Variants in STK32B observed in about 807,000 individuals in gnomAD.
The protein encoded by STK32B is serine/threonine-protein kinase 32B.
STK32B carries 43 observed loss-of-function variants against 52.6 expected under a neutral mutation model. The ratio of observed to expected loss-of-function variants is 0.82; its 90% CI spans 0.64 to 1.05. The LOEUF is 1.05. STK32B is among the 50% of genes least tolerant of loss of function. The pLI, the probability that STK32B is intolerant of heterozygous loss-of-function variation, is 0.00. For missense variants in STK32B, 621 were observed against 534.6 expected (o/e 1.16, Z -1.59); for synonymous variants, 238 against 204.3 (o/e 1.17, Z -1.41).
At chr4:5,268,719 C>T (rs1482659339) in intron 3 of STK32B, among the ~76,000 whole-genome samples, 7 of 152,094 alleles carry the variant, frequency 4.6e-5, no homozygotes, top group Non-Finnish European at 1.0e-4. Flanking sequence ...CCTGCACATG[C>T]CACGGTTGTC....
At chr4:5,437,936 G>C in intron 6 of STK32B, 3 of 985,486 alleles carry the variant, frequency 3.0e-6, no homozygotes, top group Non-Finnish European at 3.6e-6. Context: ...TCAGCTCCAA[G>C]TGTGTGGGGG....
chr4:5,330,675 G>A (rs1165004619), intron 3 of STK32B, among the ~76,000 whole-genome samples: 1 of 152,196 alleles, frequency 6.6e-6, no homozygotes, highest in Admixed American at 6.5e-5. Context: ...GCCTCTCCAT[G>A]TGGCTTGCAT....
chr4:5,218,833 G>A (rs1337502227), intron 3 of STK32B, among the ~76,000 whole-genome samples: 1 of 152,210 alleles, frequency 6.6e-6, no homozygotes, highest in African/African-American at 2.4e-5. Context: ...TGCCAGGCAC[G>A]TGGCTTCTGG....
intron 11 of STK32B, among the ~76,000 whole-genome samples, chr4:5,497,929 C>T (rs1296346463): frequency 6.6e-6 from 1 of 152,084 alleles, no homozygotes; most frequent in African/African-American, 2.4e-5. Context: ...AGGCTAAAAC[C>T]TCTTTTTCAG....
At chr4:5,294,660 A>G (rs1230713458) in intron 3 of STK32B, among the ~76,000 whole-genome samples, 1 of 152,178 alleles carries the variant, frequency 6.6e-6, no homozygotes, top group East Asian at 1.9e-4. Flanking sequence ...TATCAGCTCA[A>G]GGAGTTTTTG....
At chr4:5,154,378 G>C (rs932943267) in intron 2 of STK32B, among the ~76,000 whole-genome samples, 1 of 152,060 alleles carries the variant, frequency 6.6e-6, no homozygotes. Flanking sequence ...ACCAGGCCCG[G>C]TTAATTTTGT....
rs1163496599 is a variant in STK32B, at chr4:5,496,692, T to TGGCCCCA, written c.1107-2247_1107-2241dup. ...CGGAGCTGTTCCTTTTCGGCCATCT[T>TGGCCCCA]GGCCCCAGGCCCATTTTCCTGGTCT... On this transcript the variant is annotated intron_variant, in intron 11 of 11. Transcript: ENST00000282908. Among the ~76,000 whole-genome samples, 42 of 152,290 alleles carry TGGCCCCA rather than the reference T, an allele frequency of 2.8e-4. 3 individuals are homozygous for TGGCCCCA. Among genetic ancestry groups the TGGCCCCA allele is most frequent in the East Asian group, 1.9e-3 (10 of 5,176 alleles).
intron 3 of STK32B, among the ~76,000 whole-genome samples, chr4:5,279,044 A>G (rs1728024818): frequency 6.6e-6 from 1 of 152,150 alleles, no homozygotes; most frequent in African/African-American, 2.4e-5. Context: ...AAACCATATC[A>G]TTCTGCCCCT....
chr4:5,376,145 G>A (rs961762739), intron 4 of STK32B, among the ~76,000 whole-genome samples: 1 of 152,100 alleles, frequency 6.6e-6, no homozygotes, highest in African/African-American at 2.4e-5. Context: ...TGCTTTGCTG[G>A]CATCCCCTCT....
chr4:5,052,666 C>G (rs1174327256), intron 1 of STK32B, among the ~76,000 whole-genome samples: 1 of 152,102 alleles, frequency 6.6e-6, no homozygotes, highest in Non-Finnish European at 1.5e-5. Flanking sequence ...GTTATGATAC[C>G]ACTAGCTACT....
In STK32B at chr4:5,467,951, G is replaced by T. The variant is rs373884924; in HGVS notation, c.1042-55G>T. On this transcript the variant is annotated intron_variant, in intron 10 of 11. Coordinates refer to ENST00000282908, the MANE Select transcript of STK32B (RefSeq NM_018401.3). This position sits in a 1 kb window ranked among gnomAD's most constrained non-coding sequence, Gnocchi z 5.8. ...TGCCGTCCTGTGATGCTCCATTACC[G>T]CGCGTCCCCGGACCGTGCTTTGTCA... 1.3e-6 allele frequency: 2 copies of T among 1,599,122 alleles called. No individual in the cohort carries two copies. Among genetic ancestry groups the T allele is most frequent in the African/African-American group, 1.3e-5 (1 of 74,608 alleles).
chr4:5,174,307 G>A (rs1031300994), intron 3 of STK32B, among the ~76,000 whole-genome samples: 7 of 152,128 alleles, frequency 4.6e-5, no homozygotes, highest in Admixed American at 3.3e-4. Flanking sequence ...TTACATTTAA[G>A]GTTAATATTG....
chr4:5,189,713 G>C (rs1290598913), intron 3 of STK32B, among the ~76,000 whole-genome samples: 1 of 152,116 alleles, frequency 6.6e-6, no homozygotes, highest in Non-Finnish European at 1.5e-5. Flanking sequence ...AGTAGGCTTA[G>C]TTTGGTAAGA....
intron 1 of STK32B, among the ~76,000 whole-genome samples, chr4:5,135,557 A>AAAT (rs1359120657): frequency 6.6e-6 from 1 of 152,242 alleles, no homozygotes; most frequent in African/African-American, 2.4e-5. Flanking sequence ...CCCACTGAAC[A>AAAT]AATAAAATTG....
At chr4:5,055,584 G>A (rs10009026) in intron 1 of STK32B, among the ~76,000 whole-genome samples, 54,549 of 151,882 alleles carry the variant, frequency 0.36, 10,691 homozygotes, top group Middle Eastern at 0.51. Context: ...AACTTGCATC[G>A]TTAAGAAAAT....
chr4:5,368,310 A>T (rs6821439), intron 4 of STK32B, among the ~76,000 whole-genome samples: 1 of 106,472 alleles, frequency 9.4e-6, no homozygotes, highest in Admixed American at 9.8e-5. Flanking sequence ...AATTATAAAT[A>T]ATAAGGGCTT....
intron 1 of STK32B, among the ~76,000 whole-genome samples, chr4:5,099,495 G>A (rs1303409209): frequency 6.8e-6 from 1 of 147,594 alleles, no homozygotes; most frequent in Non-Finnish European, 1.5e-5. Context: ...GGAGTAAAAG[G>A]CTGCCTGTGA....
intron 5 of STK32B, among the ~76,000 whole-genome samples, chr4:5,402,804 C>A (rs1229854722): frequency 6.6e-6 from 1 of 152,156 alleles, no homozygotes; most frequent in African/African-American, 2.4e-5. Context: ...CAGGACAGAG[C>A]AAGCATGGGG....
intron 6 of STK32B, chr4:5,437,819 C>G (rs1237796720): frequency 2.7e-6 from 2 of 744,214 alleles, no homozygotes; most frequent in African/African-American, 1.9e-5. Context: ...CCTTCCAGCT[C>G]TAAACCTGTG....
Sources: allele counts gnomAD v4.1 joint callset (sites outside exome capture counted in the v4.1 genomes callset), GRCh38; gene constraint gnomAD v4.1.1; non-coding constraint Gnocchi (gnomAD v3.1); transcripts MANE v1.5; gene names NCBI Gene and HGNC (gene_info 2026-07-23, HGNC 2026-07-21).